Variants in PABPC4L observed in about 807,000 individuals in gnomAD.
PABPC4L encodes polyadenylate-binding protein 4-like.
For missense variants in PABPC4L, 452 were observed against 451.4 expected, an observed-to-expected ratio of 1.00 and a Z score of -0.01; for synonymous variants, 169 against 164.1, an observed-to-expected ratio of 1.03 and a Z score of -0.23.
At chr4:134,134,198 C>G in the PABPC4L span, among the ~76,000 whole-genome samples, 111 of 152,044 alleles carry the variant, frequency 7.3e-4, no homozygotes, top group African/African-American at 2.5e-3. Flanking sequence ...TTCTAACTAT[C>G]CAGGTAACAA....
the PABPC4L span, among the ~76,000 whole-genome samples, chr4:133,987,259 T>G: frequency 6.6e-6 from 1 of 152,166 alleles, no homozygotes; most frequent in Non-Finnish European, 1.5e-5. Context: ...GTATGTTATA[T>G]AAATGCTGAA....
chr4:134,013,952 C>A, the PABPC4L span, among the ~76,000 whole-genome samples: 3 of 152,132 alleles, frequency 2.0e-5, no homozygotes, highest in Admixed American at 1.3e-4. Context: ...AGCCCTCCCC[C>A]ACCTGCCCAG....
chr4:134,165,844 T>C, the PABPC4L span, among the ~76,000 whole-genome samples: 3 of 152,134 alleles, frequency 2.0e-5, no homozygotes, highest in Admixed American at 6.6e-5. Context: ...CGTATGCTTA[T>C]CATAGCGCCA....
the PABPC4L span, among the ~76,000 whole-genome samples, chr4:134,183,313 A>C: frequency 6.6e-6 from 1 of 151,824 alleles, no homozygotes; most frequent in South Asian, 2.1e-4. Flanking sequence ...GTTGCAACAT[A>C]GATGGAGCTG....
At chr4:134,030,234 G>T in the PABPC4L span, among the ~76,000 whole-genome samples, 1 of 151,974 alleles carries the variant, frequency 6.6e-6, no homozygotes, top group Non-Finnish European at 1.5e-5. Flanking sequence ...CTTTGGAACT[G>T]GGTAACAGGC....
chr4:134,200,800 C>T lies in PABPC4L; in HGVS notation c.220G>A (p.Asp74Asn), dbSNP rs1442717031. 1.3e-6 allele frequency: 2 copies of T among 1,552,152 alleles called. No individual in the cohort carries two copies. The highest frequency in any genetic ancestry group is 2.0e-5 in the Admixed American group (1 of 51,012). Residue 74 changes from aspartate (D) to asparagine (N), a missense_variant, in exon 2 of 2, where the codon GAC becomes AAC. Asp to Asn is a conservative substitution (Grantham distance 23). Coordinates refer to ENST00000421491, the MANE Select transcript of PABPC4L (RefSeq NM_001114734.2). ...AQKALDTMNF[D>N]IIKGKSIRLM... The stretch of plus-strand genomic sequence containing the variant: ...CGGATGGATTTGCCTTTTATGATGT[C>T]AAAGTTCATTGTGTCCAGCGCCTTC...
the PABPC4L span, among the ~76,000 whole-genome samples, chr4:134,116,455 C>A: frequency 6.6e-6 from 1 of 151,704 alleles, no homozygotes; most frequent in Non-Finnish European, 1.5e-5. Context: ...ATTAGAAAAT[C>A]CACAAACCCC....
the PABPC4L span, among the ~76,000 whole-genome samples, chr4:134,120,258 TG>T: frequency 1.7e-4 from 15 of 90,688 alleles, no homozygotes; most frequent in East Asian, 3.4e-3. Context: ...TTTTGTTCTT[TG>T]GTTTTTTTTT....
At chr4:134,117,767 A>C in the PABPC4L span, among the ~76,000 whole-genome samples, 1 of 151,816 alleles carries the variant, frequency 6.6e-6, no homozygotes, top group African/African-American at 2.4e-5. Context: ...TGCAAAGAGT[A>C]CAACAACAAA....
At chr4:133,990,033 T>A in the PABPC4L span, among the ~76,000 whole-genome samples, 2 of 152,048 alleles carry the variant, frequency 1.3e-5, no homozygotes, top group African/African-American at 4.8e-5. Flanking sequence ...ACCCCCATGA[T>A]TCAATTACCT....
the PABPC4L span, among the ~76,000 whole-genome samples, chr4:133,998,908 T>A: frequency 6.6e-6 from 1 of 151,988 alleles, no homozygotes; most frequent in African/African-American, 2.4e-5. Context: ...GGGTAAACAT[T>A]TCCCTCTGAT....
the PABPC4L span, among the ~76,000 whole-genome samples, chr4:134,097,770 C>T: frequency 6.6e-6 from 1 of 151,902 alleles, no homozygotes; most frequent in Non-Finnish European, 1.5e-5. Flanking sequence ...TTACTCAAAC[C>T]ACCAACCAGT....
At chr4:134,063,338 G>A in the PABPC4L span, among the ~76,000 whole-genome samples, 1 of 151,944 alleles carries the variant, frequency 6.6e-6, no homozygotes, top group African/African-American at 2.4e-5. Context: ...GCTTTCTCTT[G>A]AATCTCATAT....
the PABPC4L span, among the ~76,000 whole-genome samples, chr4:134,020,919 T>C: frequency 2.0e-5 from 3 of 152,284 alleles, no homozygotes; most frequent in South Asian, 2.1e-4. Flanking sequence ...CAATATATTG[T>C]ACTGTTGTAA....
the PABPC4L span, among the ~76,000 whole-genome samples, chr4:134,021,171 T>C: frequency 6.6e-6 from 1 of 152,122 alleles, no homozygotes; most frequent in African/African-American, 2.4e-5. Context: ...CAACATCACA[T>C]ATCACAATCA....
the PABPC4L span, chr4:133,977,952 G>T: frequency 6.6e-6 from 1 of 152,078 alleles, no homozygotes; most frequent in Non-Finnish European, 1.5e-5. Context: ...GGGTAGAAAG[G>T]CATAAACACT....
At chr4:134,183,030 T>C in the PABPC4L span, among the ~76,000 whole-genome samples, 2 of 152,036 alleles carry the variant, frequency 1.3e-5, no homozygotes, top group Admixed American at 1.3e-4. Context: ...AGTTCAGCTA[T>C]GTGGAAAGCA....
the PABPC4L span, among the ~76,000 whole-genome samples, chr4:134,017,304 A>G: frequency 6.6e-6 from 1 of 152,144 alleles, no homozygotes; most frequent in East Asian, 1.9e-4. Context: ...TCGGAATGCT[A>G]CAGGGTACAG....
the PABPC4L span, among the ~76,000 whole-genome samples, chr4:134,037,752 A>G: frequency 6.6e-6 from 1 of 152,156 alleles, no homozygotes; most frequent in Non-Finnish European, 1.5e-5. Flanking sequence ...TAAATATACA[A>G]TCATGTCATC....
Sources: allele counts gnomAD v4.1 joint callset (sites outside exome capture counted in the v4.1 genomes callset), GRCh38; gene constraint gnomAD v4.1.1; transcripts MANE v1.5; gene names NCBI Gene and HGNC (gene_info 2026-07-23, HGNC 2026-07-21).